R3HDM1: variants seen among roughly 807,000 people sequenced by gnomAD.
R3HDM1 encodes R3H domain containing 1.
In R3HDM1, 46 loss-of-function variants were observed where a neutral mutation model predicts 141.1. The observed-to-expected ratio is 0.33, with a 90% confidence interval of 0.26 to 0.42. The LOEUF (loss-of-function observed/expected upper bound fraction) is 0.42. Ranked by LOEUF, R3HDM1 falls within the 10% of genes least tolerant of loss-of-function variation. R3HDM1 has a pLI of 1.00. For missense variants in R3HDM1, 1,184 were observed against 1,368.3 expected (o/e 0.87, Z 2.12); for synonymous variants, 435 against 472.9 (o/e 0.92, Z 1.04).
chr2:135,664,963 C>G (rs2105317387), intron 19 of R3HDM1, among the ~76,000 whole-genome samples: 1 of 152,310 alleles, frequency 6.6e-6, no homozygotes, highest in East Asian at 1.9e-4. Context: ...GGAATTTTTA[C>G]TGTGTTGTCT....
chr2:135,546,130 G>C (rs370869031), intron 1 of R3HDM1, among the ~76,000 whole-genome samples: 4 of 152,326 alleles, frequency 2.6e-5, no homozygotes, highest in South Asian at 4.1e-4. Context: ...CTAGTGACAA[G>C]AGCGCATTCC....
intron 1 of R3HDM1, among the ~76,000 whole-genome samples, chr2:135,600,103 ATTTTTTT>A (rs1047714227): frequency 2.2e-3 from 207 of 93,524 alleles, no homozygotes; most frequent in African/African-American, 9.1e-3. Context: ...AGTTCGTATG[ATTTTTTT>A]TTTTTTTTTT....
At chr2:135,663,395 CATAAT>C (rs1377369964) in intron 19 of R3HDM1, among the ~76,000 whole-genome samples, 2 of 152,170 alleles carry the variant, frequency 1.3e-5, no homozygotes, top group African/African-American at 4.8e-5. Context: ...ATGAGTCAGT[CATAAT>C]ATAACACTTT....
At chr2:135,671,234 G>A (rs1414714048) in intron 19 of R3HDM1, among the ~76,000 whole-genome samples, 1 of 151,546 alleles carries the variant, frequency 6.6e-6, no homozygotes, top group Non-Finnish European at 1.5e-5. Context: ...CAGTTTTCTA[G>A]GAGAGACTTA....
chr2:135,577,004 A>G, intron 1 of R3HDM1: 1 of 664,504 alleles, frequency 1.5e-6, no homozygotes, highest in Non-Finnish European at 1.9e-6. Context: ...GGATGAATGT[A>G]TGCTATATAA....
chr2:135,616,982 T>G (rs1335186268), intron 5 of R3HDM1, among the ~76,000 whole-genome samples: 1 of 152,162 alleles, frequency 6.6e-6, no homozygotes, highest in Non-Finnish European at 1.5e-5. Flanking sequence ...ATCATGTAAT[T>G]AATTAGGAAT....
intron 19 of R3HDM1, among the ~76,000 whole-genome samples, chr2:135,666,050 C>T (rs1268406299): frequency 2.6e-5 from 4 of 152,068 alleles, no homozygotes; most frequent in Non-Finnish European, 4.4e-5. Flanking sequence ...CTTAGCTTTC[C>T]AGATAACCCA....
chr2:135,619,424 T>G (rs2034277), intron 5 of R3HDM1, among the ~76,000 whole-genome samples: 1 of 152,170 alleles, frequency 6.6e-6, no homozygotes, highest in Non-Finnish European at 1.5e-5. Flanking sequence ...ATAGATAATT[T>G]TTTGTGTTGA....
At chr2:135,572,164 G>A (rs551283359) in intron 1 of R3HDM1, among the ~76,000 whole-genome samples, 12 of 152,148 alleles carry the variant, frequency 7.9e-5, no homozygotes, top group African/African-American at 2.6e-4. Context: ...CACCGTGTTA[G>A]CCAGGCTGGT....
rs569431239 is a variant in R3HDM1 at position 135,572,522 on chromosome 2, TAAAAC to T, written c.-249-29975_-249-29971del. On this transcript the variant is annotated intron_variant, in intron 1 of 26. Transcript: ENST00000683871. Reference sequence around the variant, plus strand: ...TTCATGCCCACTAGGATGACTATAATAAAACAACACACACAAGAATTGGTAAGGAT... The same window carrying T: ...TTCATGCCCACTAGGATGACTATAATAACACACACAAGAATTGGTAAGGAT... 3.3e-5 allele frequency among the ~76,000 whole-genome samples: 5 copies of T among 152,296 alleles called. No individual in the cohort carries two copies. In the South Asian group the frequency reaches 1.0e-3, roughly 32 times the overall value.
In R3HDM1 at chr2:135,602,534, A is replaced by G; in HGVS notation, c.-215A>G. 7.0e-7 allele frequency: 1 copy of G among 1,426,338 alleles called. No individual in the cohort carries two copies. Among genetic ancestry groups the G allele is most frequent in the East Asian group, 2.7e-5 (1 of 37,040 alleles). The allele number at this position is 1,426,338 out of a possible 1,614,324, so 88.4% of individuals were successfully genotyped here. A position where few individuals can be genotyped will look rare whatever the true frequency, so the allele number is the denominator to read the frequency against. ...AGGTATGATATATTTGATCCAAGAC[A>G]GTCCATTCCAGTCCGGGAATCTACA... is the stretch of plus-strand genomic sequence containing the variant. On this transcript the variant is annotated 5_prime_UTR_variant, in exon 2 of 27. Coordinates refer to ENST00000683871, the MANE Select transcript of R3HDM1 (RefSeq NM_001378107.1).
intron 7 of R3HDM1, among the ~76,000 whole-genome samples, chr2:135,630,301 A>AAAC (rs2062564475): frequency 6.9e-6 from 1 of 145,868 alleles, no homozygotes; most frequent in Admixed American, 6.7e-5. Flanking sequence ...AAAAAAAAAA[A>AAAC]AAAAAAACAA....
chr2:135,587,894 C>T (rs1198203874), intron 1 of R3HDM1, among the ~76,000 whole-genome samples: 1 of 151,802 alleles, frequency 6.6e-6, no homozygotes, highest in Non-Finnish European at 1.5e-5. Flanking sequence ...CTCCATCTTC[C>T]ATTCTCCCTA....
intron 1 of R3HDM1, 30 bp from the exon 2 acceptor site, chr2:135,602,469 GT>G: frequency 8.2e-7 from 1 of 1,226,960 alleles, no homozygotes; most frequent in Non-Finnish European, 1.0e-6. Context: ...TGGCCATTTT[GT>G]TAAAATGGTT....
chr2:135,565,325 T>TAAAAA (rs1559133152), intron 1 of R3HDM1, among the ~76,000 whole-genome samples: 87 of 86,934 alleles, frequency 1.0e-3, no homozygotes, highest in African/African-American at 9.3e-3. Context: ...GAAAAAAAAT[T>TAAAAA]ATTATTATTA....
chr2:135,716,760 T>G (rs1407569292), intron 24 of R3HDM1, among the ~76,000 whole-genome samples: 1 of 152,130 alleles, frequency 6.6e-6, no homozygotes, highest in Non-Finnish European at 1.5e-5. Flanking sequence ...AAGACCAGCC[T>G]GGCCAAGACA....
chr2:135,609,572 T>C (rs1021676683), intron 3 of R3HDM1, among the ~76,000 whole-genome samples: 4 of 152,170 alleles, frequency 2.6e-5, no homozygotes, highest in African/African-American at 9.7e-5. Context: ...GTTGGGGTGG[T>C]GGATGCCAGG....
intron 16 of R3HDM1, among the ~76,000 whole-genome samples, chr2:135,647,082 AAAG>A (rs1474269774): frequency 1.3e-5 from 2 of 152,184 alleles, no homozygotes; most frequent in African/African-American, 4.8e-5. Context: ...AGTTTTTTAA[AAAG>A]AAGAACTTAC....
intron 1 of R3HDM1, among the ~76,000 whole-genome samples, chr2:135,564,106 G>T (rs1358553343): frequency 6.6e-6 from 1 of 152,058 alleles, no homozygotes; most frequent in Admixed American, 6.6e-5. Context: ...CCACCCACCA[G>T]GTCTCACCTC....
Sources: allele counts gnomAD v4.1 joint callset (sites outside exome capture counted in the v4.1 genomes callset), GRCh38; gene constraint gnomAD v4.1.1; transcripts MANE v1.5; gene names NCBI Gene and HGNC (gene_info 2026-07-23, HGNC 2026-07-21).